Variants in MTCL3 observed in about 807,000 individuals in gnomAD.
The protein encoded by MTCL3 is microtubule cross-linking factor 3.
chr6:127,494,287 G>A, the MTCL3 span, among the ~76,000 whole-genome samples: 2 of 152,040 alleles, frequency 1.3e-5, no homozygotes, highest in African/African-American at 4.8e-5. Context: ...TGAAATTTAG[G>A]TACATCAGAA....
chr6:127,491,825 C>T, the MTCL3 span, among the ~76,000 whole-genome samples: 1 of 148,758 alleles, frequency 6.7e-6, no homozygotes, highest in South Asian at 2.1e-4. Context: ...AAACTATAAA[C>T]CCACCACTAT....
At chr6:127,473,419 G>T in the MTCL3 span, 3 of 1,454,022 alleles carry the variant, frequency 2.1e-6, no homozygotes, top group African/African-American at 1.5e-5. Flanking sequence ...AAGACAAAGA[G>T]AAGAGTTAAT....
At chr6:127,516,466 A>G in the MTCL3 span, 1 of 1,599,786 alleles carries the variant, frequency 6.3e-7, no homozygotes, top group Non-Finnish European at 8.5e-7. Flanking sequence ...TGTCTGTCGC[A>G]GCGAACTGTC....
At chr6:127,488,488 A>C in the MTCL3 span, among the ~76,000 whole-genome samples, 1 of 152,210 alleles carries the variant, frequency 6.6e-6, no homozygotes, top group African/African-American at 2.4e-5. Flanking sequence ...AATATACCTG[A>C]CACAAAGTAG....
the MTCL3 span, among the ~76,000 whole-genome samples, chr6:127,498,951 A>G: frequency 6.6e-6 from 1 of 152,192 alleles, no homozygotes; most frequent in Non-Finnish European, 1.5e-5. Context: ...GACATGAGAG[A>G]TCTTTATGAA....
At chr6:127,474,155 TAA>T in the MTCL3 span, among the ~76,000 whole-genome samples, 2 of 148,488 alleles carry the variant, frequency 1.3e-5, no homozygotes, top group East Asian at 2.0e-4. Context: ...CAACTTATGG[TAA>T]AAAAAAAAAA....
chr6:127,513,402 G>A, the MTCL3 span, among the ~76,000 whole-genome samples: 1 of 152,108 alleles, frequency 6.6e-6, no homozygotes, highest in African/African-American at 2.4e-5. Context: ...GGTAAAAAAT[G>A]TTCTATTGCA....
chr6:127,507,753 G>C, the MTCL3 span, among the ~76,000 whole-genome samples: 2 of 141,764 alleles, frequency 1.4e-5, no homozygotes, highest in Non-Finnish European at 3.0e-5. Flanking sequence ...TGAGGCAGTA[G>C]AATGGCGAGA....
At chr6:127,496,492 A>G in the MTCL3 span, among the ~76,000 whole-genome samples, 24 of 152,364 alleles carry the variant, frequency 1.6e-4, no homozygotes, top group Non-Finnish European at 2.2e-4. Flanking sequence ...TGACATGCAG[A>G]CCAATGAAAA....
chr6:127,483,096 A>C, the MTCL3 span: 5 of 818,098 alleles, frequency 6.1e-6, no homozygotes, highest in Non-Finnish European at 9.1e-6. Context: ...AAAAAGAGTT[A>C]GTTCAATAAT....
the MTCL3 span, chr6:127,516,027 C>T: frequency 6.3e-7 from 1 of 1,579,540 alleles, no homozygotes; most frequent in Non-Finnish European, 8.6e-7. Context: ...CTTTCCCTCG[C>T]CAGCCCCTGG....
At chr6:127,510,228 G>T in the MTCL3 span, among the ~76,000 whole-genome samples, 1 of 152,020 alleles carries the variant, frequency 6.6e-6, no homozygotes, top group Non-Finnish European at 1.5e-5. Flanking sequence ...ATTGACATTT[G>T]GTTTTTTGTA....
At chr6:127,491,837 C>A in the MTCL3 span, among the ~76,000 whole-genome samples, 1 of 145,182 alleles carries the variant, frequency 6.9e-6, no homozygotes, top group African/African-American at 2.6e-5. Flanking sequence ...CACCACTATA[C>A]TCCAACCTAG....
chr6:127,486,924 T>C, the MTCL3 span, among the ~76,000 whole-genome samples: 749 of 152,282 alleles, frequency 4.9e-3, 5 homozygotes, highest in African/African-American at 0.017. Flanking sequence ...AAAGACATAT[T>C]ATGCATATAG....
the MTCL3 span, among the ~76,000 whole-genome samples, chr6:127,490,734 T>G: frequency 2.0e-5 from 3 of 152,070 alleles, no homozygotes; most frequent in Non-Finnish European, 4.4e-5. Flanking sequence ...GAAGAATTGC[T>G]AGAACCCGGG....
chr6:127,496,973 T>C, the MTCL3 span, among the ~76,000 whole-genome samples: 1 of 152,076 alleles, frequency 6.6e-6, no homozygotes, highest in Non-Finnish European at 1.5e-5. Flanking sequence ...GGTAAATTCA[T>C]AGATAAAAGA....
chr6:127,476,123 T>C, the MTCL3 span: 7 of 1,614,164 alleles, frequency 4.3e-6, no homozygotes, highest in Middle Eastern at 4.9e-4. This position sits in a 1 kb window ranked among gnomAD's most constrained non-coding sequence, Gnocchi z 4.4. Flanking sequence ...TGCTCCCTCA[T>C]GAGCGGGTTG....
chr6:127,514,265 C>T, the MTCL3 span, among the ~76,000 whole-genome samples: 1 of 152,084 alleles, frequency 6.6e-6, no homozygotes, highest in Non-Finnish European at 1.5e-5. Context: ...AGTTGGTTAT[C>T]TGTTTTTTTT....
the MTCL3 span, among the ~76,000 whole-genome samples, chr6:127,507,946 CT>C: frequency 6.6e-6 from 1 of 151,544 alleles, no homozygotes. Context: ...CACACTCTTC[CT>C]TTTTTTAAAT....
Sources: gnomAD v4.1 joint callset for allele counts (sites outside exome capture counted in the v4.1 genomes callset) on GRCh38, gnomAD v4.1.1 for gene constraint, Gnocchi (gnomAD v3.1) non-coding constraint, MANE v1.5 for transcripts, NCBI Gene and HGNC (gene_info 2026-07-23, HGNC 2026-07-21) for gene names.